PLCXD1: variants seen among roughly 807,000 people sequenced by gnomAD.
PLCXD1 encodes the protein phosphatidylinositol specific phospholipase C X domain containing 1.
PLCXD1 carries 45 observed loss-of-function variants against 37.8 expected under a neutral mutation model. That is an observed-to-expected ratio of 1.19 (90% confidence interval 0.94 to 1.53). PLCXD1 has a LOEUF of 1.53. Ranked by LOEUF, PLCXD1 falls within the 40% of genes most tolerant of loss-of-function variation. The pLI is 0.00. For missense variants in PLCXD1, 539 were observed against 454.7 expected, an observed-to-expected ratio of 1.19 and a Z score of -1.69; for synonymous variants, 246 against 206.9, an observed-to-expected ratio of 1.19 and a Z score of -1.62.
intron 6 of PLCXD1, among the ~76,000 whole-genome samples, chrX:296,032 G>C (rs748179728): frequency 2.6e-5 from 4 of 151,824 alleles, no homozygotes; most frequent in Non-Finnish European, 5.9e-5. Flanking sequence ...GGCTGGTCTC[G>C]AACTCCCGAC....
rs182153776 is a variant in PLCXD1 at position 293,269 on chromosome X, C to T, written c.733+51C>T. 1.3e-4 allele frequency: 185 copies of T among 1,457,240 alleles called. 1 individual carries two copies. Among genetic ancestry groups the T allele is most frequent in the Non-Finnish European group, 1.7e-4 (180 of 1,054,194 alleles). The allele number at this position is 1,457,240 out of a possible 1,614,324, so 90.3% of individuals were successfully genotyped here. On this transcript the variant is annotated intron_variant, in intron 6 of 6. Coordinates refer to ENST00000381657, the MANE Select transcript of PLCXD1 (RefSeq NM_018390.4). ...AGATTCCACACAGCCTCCCGTGACG[C>T]CCTGCGGCAGGCCGGGTCCACATGG...
At chrX:284,667 CAT>C (rs2069390894) in intron 2 of PLCXD1, among the ~76,000 whole-genome samples, 1 of 147,122 alleles carries the variant, frequency 6.8e-6, no homozygotes, top group African/African-American at 2.5e-5. Flanking sequence ...TGCACACACA[CAT>C]GCACATCTGC....
intron 2 of PLCXD1, among the ~76,000 whole-genome samples, chrX:287,560 TATATATGTTTATATATAGATATAG>T (rs2069494299): frequency 1.1e-5 from 1 of 92,702 alleles, no homozygotes; most frequent in Non-Finnish European, 1.9e-5. Flanking sequence ...ATATAGATAC[TATATATGTTTATATATAGATATAG>T]ATACTATATA....
rs55867101 is a variant in PLCXD1, at chrX:285,135, T to TAA, written c.127+822_127+823insAA. Among the ~76,000 whole-genome samples, 48 of 151,600 alleles carry TAA rather than the reference T, an allele frequency of 3.2e-4. No individual in the cohort carries two copies. The East Asian group carries it at 6.4e-3, about 20-fold the overall frequency. ...ACACACACATGCATGCGCACACACA[T>TAA]ACATGCATGCACACATGCACATCCC... On this transcript the variant is annotated intron_variant, in intron 2 of 6. Transcript: ENST00000381657.
chrX:292,353 G>A (rs1195512783), intron 5 of PLCXD1, among the ~76,000 whole-genome samples: 1 of 152,046 alleles, frequency 6.6e-6, no homozygotes, highest in African/African-American at 2.4e-5. Flanking sequence ...CAGCTACTCG[G>A]GAGGCTGAGG....
chrX:293,230 C>T lies in PLCXD1; in HGVS notation c.733+12C>T, dbSNP rs368379084. 6.2e-7 allele frequency: 1 copy of T among 1,603,566 alleles called. No individual in the cohort carries two copies. The highest frequency in any genetic ancestry group is 1.7e-5 in the Admixed American group (1 of 59,576). ...CTGCGGCCGCCCAGGTACCAGGTCG[C>T]CCCTCGTGGGGGTAGATTCCACACA... is the stretch of plus-strand genomic sequence containing the variant. On this transcript the variant is annotated intron_variant, in intron 6 of 6. Coordinates refer to ENST00000381657, the MANE Select transcript of PLCXD1 (RefSeq NM_018390.4).
At chrX:279,480 G>A (rs1430458973), upstream of PLCXD1, among the ~76,000 whole-genome samples, 1 of 152,200 alleles carries the variant, frequency 6.6e-6, no homozygotes. Context: ...GGTTGAAAGA[G>A]TTATTATTAG....
chrX:286,523 C>A (rs763242704), intron 2 of PLCXD1, among the ~76,000 whole-genome samples: 2 of 152,088 alleles, frequency 1.3e-5, no homozygotes, highest in East Asian at 3.9e-4. Context: ...CTTCGGCAGA[C>A]TCACATCTTA....
chrX:294,278 C>G (rs373074692), intron 6 of PLCXD1, among the ~76,000 whole-genome samples: 21 of 152,082 alleles, frequency 1.4e-4, no homozygotes, highest in Admixed American at 5.9e-4. Flanking sequence ...GTCAGGAGAT[C>G]GAGACCATCC....
intron 2 of PLCXD1, among the ~76,000 whole-genome samples, chrX:288,126 T>C (rs1236964554): frequency 6.7e-6 from 1 of 150,252 alleles, no homozygotes; most frequent in Admixed American, 6.7e-5. Context: ...AGGACACCTG[T>C]CATTGCATTT....
chrX:299,643 G>A lies in PLCXD1; in HGVS notation c.*308G>A. 2.0e-6 allele frequency: 1 copy of A among 488,006 alleles called. No homozygotes were observed. Among genetic ancestry groups the A allele is most frequent in the Non-Finnish European group, 3.7e-6 (1 of 271,154 alleles). 30.2% of individuals were successfully genotyped at this position (488,006 alleles called of 1,614,324 possible). A position where few individuals can be genotyped will look rare whatever the true frequency, so the allele number is the denominator to read the frequency against. On this transcript the variant is annotated 3_prime_UTR_variant, in exon 7 of 7. Transcript: ENST00000381657. ...TGTGTGGCAGGCGCCTGTAGTCCCAGTTACTCGGGAGGCTCAGGCAGGAGA... is the reference window on the plus strand; with the variant it reads ...TGTGTGGCAGGCGCCTGTAGTCCCAATTACTCGGGAGGCTCAGGCAGGAGA...
At chrX:284,986 A>G (rs1311864708) in intron 2 of PLCXD1, among the ~76,000 whole-genome samples, 1 of 152,132 alleles carries the variant, frequency 6.6e-6, no homozygotes, top group African/African-American at 2.4e-5. Context: ...GGTCCCTCCC[A>G]TGACAGATGG....
chrX:282,291 A>G (rs1177526069), intron 1 of PLCXD1, among the ~76,000 whole-genome samples: 1 of 151,658 alleles, frequency 6.6e-6, no homozygotes, highest in African/African-American at 2.4e-5. Flanking sequence ...CTGAGGCAGG[A>G]GAATTGCTTG....
In PLCXD1 at chrX:291,518, C is replaced by T. The variant is rs764267287; in HGVS notation, c.413C>T (p.Ser138Leu). Residue 138 changes from serine (S) to leucine (L), a missense_variant, in exon 5 of 7, where the codon TCG becomes TTG. Transcript: ENST00000381657. ...CCCCAGGACACACTCACGGAAATCT[C>T]GGAGTGGCTGGAGCGGCATCCACGC... ...ALVEDTLTEI[S>L]EWLERHPREV... 57 of 1,612,638 alleles carry T rather than the reference C, an allele frequency of 3.5e-5. No homozygotes were observed. The highest frequency in any genetic ancestry group is 4.6e-5 in the Non-Finnish European group (54 of 1,179,852).
intron 4 of PLCXD1, among the ~76,000 whole-genome samples, chrX:291,291 G>A (rs1435266077): frequency 6.6e-6 from 1 of 151,920 alleles, no homozygotes; most frequent in African/African-American, 2.4e-5. Flanking sequence ...GATTACAGAC[G>A]CCGGACACCA....
At position 288,846 on chromosome X, in the gene PLCXD1, G is replaced by T. The variant is rs374809129; in HGVS notation, c.241G>T (p.Val81Leu). Residue 81 changes from valine to leucine, a missense_variant, in exon 3 of 7, where the codon GTG becomes TTG. Coordinates refer to ENST00000381657, the MANE Select transcript of PLCXD1 (RefSeq NM_018390.4). ...KALPCITRPV[V>L]LKWSVTQALD... Reference sequence around the variant, plus strand: ...CTTGCCCTGCATCACGCGCCCTGTCGTGCTGAAATGGTCCGTCACCCAGGT... The same window carrying T: ...CTTGCCCTGCATCACGCGCCCTGTCTTGCTGAAATGGTCCGTCACCCAGGT... 21 of 1,612,894 alleles carry T rather than the reference G, an allele frequency of 1.3e-5. No individual in the cohort carries two copies. In the Admixed American group the frequency reaches 1.5e-4, roughly 12 times the overall value.
chrX:302,954 T>TA lies in PLCXD1; in HGVS notation c.*3620dup, dbSNP rs913765786. 9 of 152,178 alleles carry TA rather than the reference T, an allele frequency of 5.9e-5. No homozygotes were observed. Among genetic ancestry groups the TA allele is most frequent in the African/African-American group, 2.2e-4 (9 of 41,436 alleles). The allele number at this position is 152,178 out of a possible 1,614,324, so 9.4% of individuals were successfully genotyped here. On this transcript the variant is annotated 3_prime_UTR_variant, in exon 7 of 7. Transcript: ENST00000381657. ...AGCCAATGGATGCCAGCACCATTTT[T>TA]ACTCCCCTTTCCCAAGCAAATCGTG...
chrX:285,653 G>A (rs1043343518), intron 2 of PLCXD1, among the ~76,000 whole-genome samples: 6 of 151,680 alleles, frequency 4.0e-5, no homozygotes, highest in African/African-American at 7.3e-5. Context: ...GTACACACAT[G>A]CACACACGTA....
intron 2 of PLCXD1, among the ~76,000 whole-genome samples, chrX:284,948 C>T (rs928406332): frequency 2.7e-4 from 41 of 152,106 alleles, no homozygotes; most frequent in Non-Finnish European, 8.8e-5. Flanking sequence ...GGGAAAGACC[C>T]GCCCCGTGAT....
Sources: gnomAD v4.1 joint callset for allele counts (sites outside exome capture counted in the v4.1 genomes callset) on GRCh38, gnomAD v4.1.1 for gene constraint, MANE v1.5 for transcripts, NCBI Gene and HGNC (gene_info 2026-07-23, HGNC 2026-07-21) for gene names.